PAQR3: variants seen among roughly 807,000 people sequenced by gnomAD.
PAQR3 encodes Raf kinase trapping to Golgi.
In PAQR3, 39 loss-of-function variants were observed where a neutral mutation model predicts 41.7. The observed-to-expected ratio is 0.93, with a 90% CI of 0.72 to 1.22. The LOEUF is 1.22. Among genes scored for constraint, PAQR3 ranks in the 50% most tolerant of loss-of-function variants. The probability of loss-of-function intolerance (pLI) is 0.00; values close to 1 mark genes in which losing one functional copy is unlikely to be tolerated. For missense variants in PAQR3, 366 were observed against 385.6 expected (o/e 0.95, Z 0.42); for synonymous variants, 140 against 140.6 (o/e 1.00, Z 0.03).
rs993076396 is a variant in PAQR3 at position 78,912,809 on chromosome 4, A to G, written c.*7730T>C. On this transcript the variant is annotated 3_prime_UTR_variant, in exon 6 of 6. Coordinates refer to ENST00000512733, the MANE Select transcript of PAQR3 (RefSeq NM_001040202.2). ...TCGTCGCACAGAAGCCTAGAACAAAAATATGAAGAGAAATATCTGACATTT... is the reference window on the plus strand; with the variant it reads ...TCGTCGCACAGAAGCCTAGAACAAAGATATGAAGAGAAATATCTGACATTT... 1 of 152,192 alleles carries G rather than the reference A, an allele frequency of 6.6e-6. No individual in the cohort carries two copies. Among genetic ancestry groups the G allele is most frequent in the Admixed American group, 6.5e-5 (1 of 15,282 alleles). 9.4% of individuals were successfully genotyped at this position (152,192 alleles called of 1,614,324 possible).
chr4:78,923,548 T>C, intron 5 of PAQR3: 2 of 347,168 alleles, frequency 5.8e-6, no homozygotes, highest in South Asian at 7.3e-5. Context: ...AAATGGTAGT[T>C]GACGGTGTTC....
chr4:78,930,515 A>C (rs1482263463), intron 2 of PAQR3, 190 bp from the exon 3 acceptor site: 2 of 411,314 alleles, frequency 4.9e-6, no homozygotes, highest in Non-Finnish European at 8.4e-6. Context: ...GCCATGAGGG[A>C]AAGCCTCAGT....
downstream of PAQR3, chr4:78,911,741 T>C: frequency 6.2e-7 from 1 of 1,613,986 alleles, no homozygotes; most frequent in South Asian, 1.1e-5. Context: ...GAGGAGAGCC[T>C]GTTGGACCCC....
chr4:78,901,379 T>C (rs1284123494), intron 11 of PAQR3, among the ~76,000 whole-genome samples: 1 of 152,116 alleles, frequency 6.6e-6, no homozygotes, highest in Non-Finnish European at 1.5e-5. Context: ...TTGTAAAATT[T>C]ATCTTAAATT....
At chr4:78,934,823 G>C (rs1227492057) in intron 2 of PAQR3, among the ~76,000 whole-genome samples, 1 of 152,144 alleles carries the variant, frequency 6.6e-6, no homozygotes, top group African/African-American at 2.4e-5. Context: ...TTGTACTTCA[G>C]CCAGATAATA....
downstream of PAQR3, chr4:78,911,424 T>G (rs1734595120): frequency 1.9e-6 from 3 of 1,613,942 alleles, no homozygotes; most frequent in Admixed American, 1.7e-5. Context: ...TTGTGCCCTT[T>G]GATGAAATAA....
chr4:78,911,481 G>A, downstream of PAQR3: 8 of 1,614,062 alleles, frequency 5.0e-6, no homozygotes, highest in Non-Finnish European at 5.9e-6. Flanking sequence ...TACAGAAACT[G>A]TCCTCTCGCC....
At chr4:78,934,356 G>A (rs923065326) in intron 2 of PAQR3, among the ~76,000 whole-genome samples, 1 of 152,210 alleles carries the variant, frequency 6.6e-6, no homozygotes. Flanking sequence ...AAACTCAGCA[G>A]CAACAGGCTA....
intron 2 of PAQR3, among the ~76,000 whole-genome samples, chr4:78,931,947 G>T (rs1301561191): frequency 2.0e-5 from 3 of 152,198 alleles, no homozygotes. Flanking sequence ...GTGTGGACTA[G>T]AAGGGCTGAA....
chr4:78,920,808 G>A, intron 5 of PAQR3, 127 bp from the exon 6 acceptor site: 1 of 1,003,550 alleles, frequency 1.0e-6, no homozygotes, highest in Non-Finnish European at 1.4e-6. Flanking sequence ...GAGACTAACT[G>A]GAAGCTCCAA....
intron 11 of PAQR3, among the ~76,000 whole-genome samples, chr4:78,896,411 A>G (rs527397412): frequency 1.3e-5 from 2 of 152,338 alleles, no homozygotes; most frequent in African/African-American, 2.4e-5. Context: ...TTTAAAGTCT[A>G]TTGATAGCAT....
At chr4:78,933,292 CAAGGCATT>C in intron 2 of PAQR3, 1 of 456,072 alleles carries the variant, frequency 2.2e-6, no homozygotes, top group Non-Finnish European at 4.4e-6. Context: ...TGGATCAAAT[CAAGGCATT>C]ATTGTATTCT....
downstream of PAQR3, chr4:78,911,698 G>T (rs762599499): frequency 1.9e-5 from 31 of 1,613,786 alleles, 1 homozygote; most frequent in South Asian, 3.4e-4. Context: ...TGCACTGACT[G>T]ATGGGAAAGA....
chr4:78,887,100 G>T (rs1733134686), downstream of PAQR3: 1 of 1,034,898 alleles, frequency 9.7e-7, no homozygotes, highest in South Asian at 1.4e-5. Context: ...TTATTTATAT[G>T]TATATCACTT....
intron 2 of PAQR3, among the ~76,000 whole-genome samples, chr4:78,931,606 C>G (rs1236853335): frequency 6.6e-6 from 1 of 152,052 alleles, no homozygotes; most frequent in Admixed American, 6.5e-5. Flanking sequence ...AGTAACAAAT[C>G]CTACTGTACT....
chr4:78,902,069 A>G (rs574733300), intron 11 of PAQR3, among the ~76,000 whole-genome samples: 4 of 152,138 alleles, frequency 2.6e-5, no homozygotes, highest in African/African-American at 2.4e-5. Context: ...AATGAGGTGT[A>G]TTGTTTATTT....
intron 2 of PAQR3, 40 bp from the exon 3 acceptor site, chr4:78,930,365 A>C (rs1335496010): frequency 6.4e-7 from 1 of 1,562,718 alleles, no homozygotes; most frequent in African/African-American, 1.4e-5. Context: ...TGACTAAAGA[A>C]ACTAAAGCAA....
At chr4:78,937,363 A>G (rs569769976) in intron 1 of PAQR3, among the ~76,000 whole-genome samples, 1 of 152,338 alleles carries the variant, frequency 6.6e-6, no homozygotes, top group Admixed American at 6.5e-5. Flanking sequence ...TTACCCTAGT[A>G]AAACCCTATG....
intron 11 of PAQR3, among the ~76,000 whole-genome samples, chr4:78,889,908 G>A (rs1443646568): frequency 6.6e-6 from 1 of 152,178 alleles, no homozygotes; most frequent in African/African-American, 2.4e-5. Context: ...ACTTAGTTAA[G>A]TTTTAAGTCT....
Sources: allele counts gnomAD v4.1 joint callset (sites outside exome capture counted in the v4.1 genomes callset), GRCh38; gene constraint gnomAD v4.1.1; transcripts MANE v1.5; gene names NCBI Gene and HGNC (gene_info 2026-07-23, HGNC 2026-07-21).